SMG1: variants seen among roughly 807,000 people sequenced by gnomAD.
SMG1 encodes the protein SMG1 nonsense mediated mRNA decay associated PI3K related kinase.
SMG1 carries 22 observed loss-of-function variants against 419.9 expected under a neutral mutation model. That is an observed-to-expected ratio of 0.05 (90% CI 0.04 to 0.07). The LOEUF (loss-of-function observed/expected upper bound fraction) is 0.07, where lower values mean the gene tolerates loss of function less well. SMG1 is among the 10% of genes least tolerant of loss of function. SMG1 has a pLI of 1.00. For missense variants in SMG1, 3,185 were observed against 4,342.0 expected, an observed-to-expected ratio of 0.73 and a Z score of 7.49; for synonymous variants, 1,538 against 1,553.5, an observed-to-expected ratio of 0.99 and a Z score of 0.23.
In SMG1 at chr16:18,895,226, G is replaced by A. The variant is rs144750847; in HGVS notation, c.412+826C>T. ...AAAGTGCCCACTCTAGGCAGGGCCC[G>A]GTGGCTCACGCCTGTAATGAGCACG... On this transcript the variant is annotated intron_variant, in intron 3 of 62. Coordinates refer to ENST00000446231, the MANE Select transcript of SMG1 (RefSeq NM_015092.5). 2.6e-3 allele frequency among the ~76,000 whole-genome samples: 398 copies of A among 152,160 alleles called. 2 individuals carry two copies. Among genetic ancestry groups the A allele is most frequent in the African/African-American group, 9.1e-3 (376 of 41,518 alleles).
Position 18,871,417 on chromosome 16 carries a change from G to A in SMG1, c.2249C>T (p.Pro750Leu). ...VLMKKSETYA[P>L]LFSLPSFHKF... ...ATGGAAAGACGGAAGAGAGAATAAA[G>A]GTGCGTATGTTTCAGACTTCTTCAT... The change falls in exon 16 of 63, where the codon CCT becomes CTT. Residue 750 changes from proline (P) to leucine (L), a missense_variant. Around this residue, in one of 27 missense-constraint regions of SMG1, gnomAD observed 297 missense variants for 491.0 expected, o/e 0.60. Transcript: ENST00000446231. 6.2e-7 allele frequency: 1 copy of A among 1,601,834 alleles called. No individual in the cohort carries two copies. The highest frequency in any genetic ancestry group is 8.5e-7 in the Non-Finnish European group (1 of 1,176,944).
chr16:18,919,616 TC>T (rs1475646461), intron 1 of SMG1, among the ~76,000 whole-genome samples: 55 of 130,124 alleles, frequency 4.2e-4, no homozygotes, highest in African/African-American at 1.6e-3. Context: ...AGAGCAACAC[TC>T]CGTCTCAAAA....
intron 1 of SMG1, among the ~76,000 whole-genome samples, chr16:18,921,661 C>T (rs35480808): frequency 0.18 from 28,001 of 151,990 alleles, 2,668 homozygotes; most frequent in Middle Eastern, 0.25. Flanking sequence ...TAATTTTATC[C>T]TTTATGTATT....
At chr16:18,876,084 A>T in intron 13 of SMG1, 40 bp downstream of exon 13, 1 of 1,605,134 alleles carries the variant, frequency 6.2e-7, no homozygotes, top group Non-Finnish European at 8.5e-7. Flanking sequence ...GAAAAGGCTT[A>T]ACTGTGGATA....
intron 1 of SMG1, among the ~76,000 whole-genome samples, chr16:18,905,961 C>A (rs1048844420): frequency 1.3e-5 from 2 of 152,068 alleles, no homozygotes; most frequent in African/African-American, 4.8e-5. Context: ...ATCATTTCAA[C>A]AACACTCTTG....
At position 18,835,917 on chromosome 16, in the gene SMG1, A is replaced by T. The variant is rs754426418; in HGVS notation, c.8057+16T>A. ...CCGTCTCAAAAATAAAAGAAAATTA[A>T]GCACTATCAACTTACTTCCTATAGA... On this transcript the variant is annotated intron_variant, in intron 48 of 62. Coordinates refer to ENST00000446231, the MANE Select transcript of SMG1 (RefSeq NM_015092.5). The T allele has an allele frequency of 1.3e-6, 2 of 1,547,428 alleles. No individual in the cohort carries two copies. Among genetic ancestry groups the T allele is most frequent in the South Asian group, 2.4e-5 (2 of 84,004 alleles).
chr16:18,892,110 G>A lies in SMG1; in HGVS notation c.549+108C>T, dbSNP rs190478687. ...ACATATTAGAGAGCATTAAGTTCTC[G>A]ATCATCATAATACAGACTTTCCCCA... On this transcript the variant is annotated intron_variant, in intron 4 of 62. Coordinates refer to ENST00000446231, the MANE Select transcript of SMG1 (RefSeq NM_015092.5). The A allele has an allele frequency of 3.3e-4, 269 of 826,644 alleles. 1 individual carries two copies. The highest frequency in any genetic ancestry group is 1.4e-3 in the South Asian group (96 of 67,308). 51.2% of individuals were successfully genotyped at this position (826,644 alleles called of 1,614,324 possible).
intron 11 of SMG1, 33 bp from the exon 12 acceptor site, chr16:18,877,265 C>T (rs1379686482): frequency 2.1e-6 from 3 of 1,453,672 alleles, no homozygotes; most frequent in Non-Finnish European, 2.8e-6. Context: ...AAATGAGCTT[C>T]TCCAATTACA....
At chr16:18,814,299 A>G (rs1440757343) in intron 60 of SMG1, among the ~76,000 whole-genome samples, 1 of 151,306 alleles carries the variant, frequency 6.6e-6, no homozygotes, top group Non-Finnish European at 1.5e-5. Context: ...CAAATTCTTC[A>G]TTTGTATTAA....
intron 55 of SMG1, among the ~76,000 whole-genome samples, chr16:18,821,221 CTTTTTT>C (rs869238782): frequency 3.7e-4 from 13 of 35,600 alleles, no homozygotes; most frequent in South Asian, 8.4e-4. Flanking sequence ...TAGTATGTTT[CTTTTTT>C]TTTTTTTTTT....
intron 26 of SMG1, 105 bp downstream of exon 26, chr16:18,860,562 A>C (rs34413784): frequency 0.19 from 114,673 of 612,674 alleles, 18,190 homozygotes; most frequent in African/African-American, 0.68. Flanking sequence ...TTCTGCCCCC[A>C]CAAAAATGTA....
In SMG1 at chr16:18,897,899, G is replaced by GAA. The variant is rs1268240019; in HGVS notation, c.93-945_93-944dup. On this transcript the variant is annotated intron_variant, in intron 1 of 62. Transcript: ENST00000446231. ...TTTCTCCTGAGAGGAACAACTTTGA[G>GAA]AAAAAAAAAAAAAAGAAAATCACTT... Among the ~76,000 whole-genome samples, 397 of 114,524 alleles carry GAA rather than the reference G, an allele frequency of 3.5e-3. 2 individuals are homozygous for GAA. The highest frequency in any genetic ancestry group is 0.012 in the African/African-American group (371 of 31,292). 75.1% of individuals were successfully genotyped at this position (114,524 alleles called of 152,430 possible).
rs2037154162 is a variant in SMG1, at chr16:18,896,914, A to G, written c.135T>C (p.Ser45=). 3 of 1,596,636 alleles carry G rather than the reference A, an allele frequency of 1.9e-6. No homozygotes were observed. Among genetic ancestry groups the G allele is most frequent in the East Asian group, 4.5e-5 (2 of 44,682 alleles). The change falls in exon 2 of 63, where the codon TCT becomes TCC. Residue 45 remains serine, a synonymous_variant. Coordinates refer to ENST00000446231, the MANE Select transcript of SMG1 (RefSeq NM_015092.5). ...AAGAACCACCTCTATCTCTGGATGA[A>G]GAATATTTTAAATTATCTGGGTCGG... ...ASADPDNLKY[S]SSRDRGGSSS...
chr16:18,882,319 G>C lies in SMG1; in HGVS notation c.1139C>G (p.Ser380Cys). 1.9e-6 allele frequency: 3 copies of C among 1,607,444 alleles called. No individual in the cohort carries two copies. Among genetic ancestry groups the C allele is most frequent in the Non-Finnish European group, 2.5e-6 (3 of 1,177,634 alleles). The change falls in exon 10 of 63, where the codon TCT becomes TGT. Residue 380 changes from serine to cysteine, a missense_variant. Physicochemically the swap from Ser to Cys is moderately radical, Grantham distance 112. Transcript: ENST00000446231. ...AYAEDLSHVA[S>C]GESVDEDVPP... ...GACATCTTCATCCACTGATTCCCCA[G>C]AGGCCACATGGCTGAGGTCCTAGAT...
chr16:18,854,827 C>T lies in SMG1; in HGVS notation c.4312G>A (p.Val1438Met). The T allele has an allele frequency of 1.2e-6, 2 of 1,614,012 alleles. No homozygotes were observed. Among genetic ancestry groups the T allele is most frequent in the Non-Finnish European group, 1.7e-6 (2 of 1,179,884 alleles). ...GCCAGCAGTCTTGTTGCAAGGGACA[C>T]ATTCCCTCGTTTTCTAGCAAATTTT... ...AAKFARKRGN[V>M]SLATRLLAQC... Residue 1438 changes from valine (V) to methionine (M), a missense_variant, in exon 30 of 63, where the codon GTG becomes ATG. Around this residue, in one of 27 missense-constraint regions of SMG1, gnomAD observed 493 missense variants for 552.9 expected, o/e 0.89. Coordinates refer to ENST00000446231, the MANE Select transcript of SMG1 (RefSeq NM_015092.5).
At chr16:18,820,672 G>T (rs999787864) in intron 55 of SMG1, among the ~76,000 whole-genome samples, 1 of 152,154 alleles carries the variant, frequency 6.6e-6, no homozygotes, top group Non-Finnish European at 1.5e-5. Flanking sequence ...ATCATAAAGA[G>T]GAAGAGTTCA....
At chr16:18,870,280 C>A (rs2035745905) in intron 18 of SMG1, among the ~76,000 whole-genome samples, 1 of 152,178 alleles carries the variant, frequency 6.6e-6, no homozygotes, top group South Asian at 2.1e-4. Context: ...CAAGTTTAGG[C>A]TCTTAAAGCT....
chr16:18,861,705 C>T (rs569221357), intron 25 of SMG1, among the ~76,000 whole-genome samples: 16 of 152,276 alleles, frequency 1.1e-4, no homozygotes, highest in Non-Finnish European at 2.4e-4. Flanking sequence ...GGTCCTAAGT[C>T]CTCTCCAGGT....
At chr16:18,852,034 G>A in intron 33 of SMG1, 33 bp downstream of exon 33, 1 of 1,562,850 alleles carries the variant, frequency 6.4e-7, no homozygotes, top group Non-Finnish European at 8.6e-7. Context: ...ATTTGGAGTA[G>A]CAATCTTGCC....
Sources: allele counts gnomAD v4.1 joint callset (sites outside exome capture counted in the v4.1 genomes callset), GRCh38; gene constraint gnomAD v4.1.1; regional missense constraint gnomAD v4.1.1; transcripts MANE v1.5; gene names NCBI Gene and HGNC (gene_info 2026-07-23, HGNC 2026-07-21).